The following RBFOX1 variants were observed in gnomAD, a reference collection of about 807,000 sequenced individuals.
RBFOX1 encodes RNA binding fox-1 homolog 1.
RBFOX1 carries 8 observed loss-of-function variants against 57.7 expected under a neutral mutation model. That is an observed-to-expected ratio of 0.14 (90% confidence interval 0.08 to 0.25). The LOEUF is 0.25. Ranked by LOEUF, RBFOX1 falls within the 10% of genes least tolerant of loss-of-function variation. The pLI, the probability that RBFOX1 is intolerant of heterozygous loss-of-function variation, is 1.00. For synonymous variants in RBFOX1, 326 were observed against 222.4 expected (o/e 1.47, Z -4.15); for missense variants, 611 against 548.5 (o/e 1.11, Z -1.14).
In RBFOX1 at chr16:6,128,955, A is replaced by T. The variant is rs565691184; in HGVS notation, c.-127+108963A>T. 6.6e-5 allele frequency among the ~76,000 whole-genome samples: 10 copies of T among 152,362 alleles called. No homozygotes were observed. In the South Asian group the frequency reaches 2.1e-3, roughly 32 times the overall value. ...TGTTGACTAAGTTCAAGATGGAAAC[A>T]GACCCACCTGACAAAGGATAAAACC... On this transcript the variant is annotated intron_variant, in intron 1 of 15. Transcript: ENST00000550418.
At chr16:7,337,423 G>C (rs2096810967) in intron 4 of RBFOX1, among the ~76,000 whole-genome samples, 1 of 152,212 alleles carries the variant, frequency 6.6e-6, no homozygotes, top group Admixed American at 6.5e-5. Flanking sequence ...TAGTAGAGCA[G>C]AGAACTTGGG....
intron 5 of RBFOX1, among the ~76,000 whole-genome samples, chr16:7,523,793 A>G (rs2152288376): frequency 6.6e-6 from 1 of 152,278 alleles, no homozygotes. Flanking sequence ...TCTTTGGCCA[A>G]AAAGGAGATG....
intron 3 of RBFOX1, among the ~76,000 whole-genome samples, chr16:5,801,942 G>C (rs1417939463): frequency 6.6e-6 from 1 of 152,180 alleles, no homozygotes; most frequent in African/African-American, 2.4e-5. Flanking sequence ...CTCTCCCCCG[G>C]AGGGTTGGAC....
intron 2 of RBFOX1, among the ~76,000 whole-genome samples, chr16:6,646,250 A>G (rs1335013821): frequency 6.6e-6 from 1 of 152,158 alleles, no homozygotes; most frequent in Non-Finnish European, 1.5e-5. Context: ...TGTTCTCGCC[A>G]AAGTGACATT....
intron 1 of RBFOX1, among the ~76,000 whole-genome samples, chr16:6,220,610 C>T (rs1468491197): frequency 6.6e-6 from 1 of 152,096 alleles, no homozygotes; most frequent in African/African-American, 2.4e-5. Context: ...TTATTGTAGC[C>T]ATAAACTATG....
chr16:5,879,327 G>C (rs1474757975), intron 4 of RBFOX1, among the ~76,000 whole-genome samples: 1 of 152,196 alleles, frequency 6.6e-6, no homozygotes, highest in Non-Finnish European at 1.5e-5. Context: ...ATTTGGACTA[G>C]GTTCTTTCCA....
chr16:5,362,901 A>T (rs1376407141), intron 1 of RBFOX1, among the ~76,000 whole-genome samples: 2 of 152,104 alleles, frequency 1.3e-5, no homozygotes, highest in African/African-American at 2.4e-5. Context: ...CCACTGTATG[A>T]ATATACCATG....
chr16:5,910,861 G>C (rs1432095767), intron 4 of RBFOX1, among the ~76,000 whole-genome samples: 2 of 152,138 alleles, frequency 1.3e-5, no homozygotes, highest in Non-Finnish European at 2.9e-5. Flanking sequence ...TCCCTGTTCC[G>C]TGACAGATGG....
intron 3 of RBFOX1, chr16:6,705,417 C>CA (rs1328974478): frequency 2.0e-5 from 3 of 152,164 alleles, no homozygotes; most frequent in Admixed American, 6.6e-5. Flanking sequence ...GAAATACCTA[C>CA]AGACATACAT....
intron 1 of RBFOX1, among the ~76,000 whole-genome samples, chr16:5,410,721 G>C (rs1197708139): frequency 2.0e-5 from 3 of 152,158 alleles, no homozygotes; most frequent in African/African-American, 4.8e-5. Flanking sequence ...CATACTTCCT[G>C]CCTCTGAGCC....
At chr16:6,056,489 C>G (rs2095616231) in intron 1 of RBFOX1, among the ~76,000 whole-genome samples, 1 of 152,168 alleles carries the variant, frequency 6.6e-6, no homozygotes, top group African/African-American at 2.4e-5. Flanking sequence ...TTATCAAGGT[C>G]ACATTCATAT....
chr16:7,671,813 T>G (rs557887837), intron 13 of RBFOX1, among the ~76,000 whole-genome samples: 1 of 152,336 alleles, frequency 6.6e-6, no homozygotes, highest in South Asian at 2.1e-4. Context: ...TTGTGGCAGT[T>G]TCTTCCAAAT....
Position 5,726,939 on chromosome 16 carries a change from C to T in RBFOX1, c.318+127978C>T, listed in dbSNP as rs530022302. ...TTTCCTGAGGCCATATGGGTGGGCA[C>T]TCTTAGCCCTGGCCGTGAATTCAAA... On this transcript the variant is annotated intron_variant, in intron 3 of 19. Coordinates refer to the RBFOX1 transcript ENST00000641259. Among the ~76,000 whole-genome samples the T allele has an allele frequency of 2.0e-5, 3 of 152,164 alleles. 1 individual carries two copies. Among genetic ancestry groups the T allele is most frequent in the African/African-American group, 7.2e-5 (3 of 41,536 alleles).
rs1342239794 is a variant in RBFOX1 at position 7,219,187 on chromosome 16, A to T, written c.27+167089A>T. Reference sequence around the variant, plus strand: ...CCCCATGAAAATGGAAGTTTCATACACATTGACATAATTAATGAAGAGGCA... The same window carrying T: ...CCCCATGAAAATGGAAGTTTCATACTCATTGACATAATTAATGAAGAGGCA... On this transcript the variant is annotated intron_variant, in intron 4 of 15. Transcript: ENST00000550418. Among the ~76,000 whole-genome samples, 11 of 152,324 alleles carry T rather than the reference A, an allele frequency of 7.2e-5. No homozygotes were observed. In the South Asian group the frequency reaches 2.3e-3, roughly 32 times the overall value.
In RBFOX1 at chr16:6,410,002, G is replaced by A. The variant is rs545915111; in HGVS notation, c.-64+92945G>A. The stretch of plus-strand genomic sequence containing the variant: ...GCTGCTTGCTTTACCTGTCTTGCCT[G>A]TTCAATTTGTCCTCTACGAGGCAAA... On this transcript the variant is annotated intron_variant, in intron 2 of 15. Transcript: ENST00000550418. 3.3e-5 allele frequency among the ~76,000 whole-genome samples: 5 copies of A among 152,184 alleles called. No homozygotes were observed. In the South Asian group the frequency reaches 1.0e-3, roughly 32 times the overall value.
intron 4 of RBFOX1, among the ~76,000 whole-genome samples, chr16:7,386,997 C>T (rs569640884): frequency 6.6e-6 from 1 of 152,250 alleles, no homozygotes; most frequent in East Asian, 1.9e-4. Context: ...AGCATTTATT[C>T]ATATGTTTGT....
chr16:6,327,340 C>A (rs1413722400), intron 2 of RBFOX1, among the ~76,000 whole-genome samples: 1 of 152,056 alleles, frequency 6.6e-6, no homozygotes, highest in African/African-American at 2.4e-5. Flanking sequence ...TTCTGCTTTT[C>A]TCACTAATAC....
rs575235024 is a variant in RBFOX1 at position 5,897,016 on chromosome 16, C to CTTTTTTTTTTTTTTTTT, written c.351+29695_351+29711dup. On this transcript the variant is annotated intron_variant, in intron 4 of 19. Coordinates refer to the RBFOX1 transcript ENST00000641259. ...CCCCCACTAAAAATGTATCCATCCG[C>CTTTTTTTTTTTTTTTTT]TTTTTTTTTTTTTTTTTTTTTTTTT... 1.7e-3 allele frequency among the ~76,000 whole-genome samples: 96 copies of CTTTTTTTTTTTTTTTTT among 56,464 alleles called. 14 individuals are homozygous for CTTTTTTTTTTTTTTTTT. Among genetic ancestry groups the CTTTTTTTTTTTTTTTTT allele is most frequent in the East Asian group, 4.6e-3 (7 of 1,506 alleles). 37.0% of individuals were successfully genotyped at this position (56,464 alleles called of 152,430 possible). A position where few individuals can be genotyped will look rare whatever the true frequency, so the allele number is the denominator to read the frequency against.
chr16:6,656,585 G>A (rs143882708), intron 3 of RBFOX1, among the ~76,000 whole-genome samples: 1 of 133,394 alleles, frequency 7.5e-6, no homozygotes, highest in Non-Finnish European at 1.6e-5. Context: ...CTCTTCTCAA[G>A]AAAGGGGAAA....
Sources: gnomAD v4.1 joint callset for allele counts (sites outside exome capture counted in the v4.1 genomes callset) on GRCh38, gnomAD v4.1.1 for gene constraint, MANE v1.5 for transcripts, NCBI Gene and HGNC (gene_info 2026-07-23, HGNC 2026-07-21) for gene names.